The following SV2C variants were observed in gnomAD, a reference collection of about 807,000 sequenced individuals.
SV2C encodes the protein synaptic vesicle glycoprotein 2C.
Under a neutral mutation model 79.7 loss-of-function variants are expected in SV2C, and 49 were observed. That is an observed-to-expected ratio of 0.61 (90% CI 0.49 to 0.78). The LOEUF is 0.78. SV2C is among the 30% of genes least tolerant of loss of function. SV2C has a pLI of 0.00. For missense variants in SV2C, 833 were observed against 912.9 expected (o/e 0.91, Z 1.13); for synonymous variants, 334 against 333.2 (o/e 1.00, Z -0.03).
chr5:76,277,740 C>T (rs535434302), intron 4 of SV2C, among the ~76,000 whole-genome samples: 15 of 148,062 alleles, frequency 1.0e-4, no homozygotes, highest in African/African-American at 3.3e-4. Flanking sequence ...CCTGGGTGAC[C>T]TAGGAGACCT....
chr5:75,861,926 T>C, the SV2C span, among the ~76,000 whole-genome samples: 5 of 152,182 alleles, frequency 3.3e-5, no homozygotes, highest in Non-Finnish European at 5.9e-5. Flanking sequence ...TCATGCAATA[T>C]ACCTATGTAA....
intron 4 of SV2C, among the ~76,000 whole-genome samples, chr5:76,214,620 A>G (rs981571261): frequency 1.3e-5 from 2 of 152,294 alleles, no homozygotes; most frequent in Non-Finnish European, 2.9e-5. Flanking sequence ...TTTGAGTAGC[A>G]TTGACATTTT....
At chr5:75,992,179 C>G in the SV2C span, among the ~76,000 whole-genome samples, 1 of 151,882 alleles carries the variant, frequency 6.6e-6, no homozygotes, top group Non-Finnish European at 1.5e-5. Context: ...TTTGGGCAAG[C>G]TTTTAATTCG....
chr5:76,094,234 A>T (rs58302791), intron 1 of SV2C, among the ~76,000 whole-genome samples: 1 of 152,194 alleles, frequency 6.6e-6, no homozygotes, highest in Non-Finnish European at 1.5e-5. Context: ...TTATAAATAT[A>T]TAGCTGGATC....
the SV2C span, among the ~76,000 whole-genome samples, chr5:75,953,738 A>T: frequency 5.9e-5 from 9 of 152,072 alleles, no homozygotes; most frequent in East Asian, 1.6e-3. Context: ...GTTGCGTTTT[A>T]TACCATTTCT....
the SV2C span, among the ~76,000 whole-genome samples, chr5:76,017,193 A>C: frequency 6.6e-6 from 1 of 152,156 alleles, no homozygotes; most frequent in Non-Finnish European, 1.5e-5. Context: ...TCTACAGAAT[A>C]TGTACTCTGA....
At chr5:75,995,776 C>T in the SV2C span, among the ~76,000 whole-genome samples, 1 of 152,044 alleles carries the variant, frequency 6.6e-6, no homozygotes, top group Non-Finnish European at 1.5e-5. Flanking sequence ...ACATTAGAAG[C>T]TCATTCAGGA....
chr5:75,900,767 G>A, the SV2C span, among the ~76,000 whole-genome samples: 1 of 152,078 alleles, frequency 6.6e-6, no homozygotes, highest in Non-Finnish European at 1.5e-5. Flanking sequence ...CATATTTCTT[G>A]GAGGCTTTGT....
At chr5:76,230,553 G>A (rs917233926) in intron 4 of SV2C, among the ~76,000 whole-genome samples, 1 of 152,210 alleles carries the variant, frequency 6.6e-6, no homozygotes, top group Non-Finnish European at 1.5e-5. Context: ...CACTTTGGGA[G>A]GCCAAGGCGG....
chr5:76,037,973 G>A, the SV2C span, among the ~76,000 whole-genome samples: 2 of 152,216 alleles, frequency 1.3e-5, no homozygotes, highest in African/African-American at 4.8e-5. Context: ...CGTCGGAAAA[G>A]CGCAGTATTA....
the SV2C span, among the ~76,000 whole-genome samples, chr5:75,878,312 C>G: frequency 5.3e-5 from 8 of 152,144 alleles, no homozygotes; most frequent in Admixed American, 3.3e-4. Context: ...AGTTCTAGTC[C>G]TATATCCATT....
chr5:76,124,155 A>G (rs1748624611), intron 1 of SV2C, among the ~76,000 whole-genome samples: 1 of 152,182 alleles, frequency 6.6e-6, no homozygotes, highest in Non-Finnish European at 1.5e-5. Context: ...ATGTACAGTC[A>G]GTGCTATTGA....
chr5:76,149,696 C>T (rs62363489), intron 2 of SV2C, among the ~76,000 whole-genome samples: 62,848 of 151,684 alleles, frequency 0.41, 13,523 homozygotes, highest in Middle Eastern at 0.51. Context: ...AAATGTCTTA[C>T]CCGCAGCTGA....
downstream of SV2C, among the ~76,000 whole-genome samples, chr5:76,334,182 T>G (rs1022337356): frequency 6.6e-6 from 1 of 152,184 alleles, no homozygotes; most frequent in African/African-American, 2.4e-5. Flanking sequence ...TGGGGGAGTT[T>G]GTGGCAAAGC....
chr5:76,043,988 GC>G, the SV2C span, among the ~76,000 whole-genome samples: 1 of 152,002 alleles, frequency 6.6e-6, no homozygotes. Context: ...ATGTTTGTTT[GC>G]TGCACCTATC....
chr5:76,127,114 T>A (rs934606140), intron 1 of SV2C, among the ~76,000 whole-genome samples: 2 of 152,150 alleles, frequency 1.3e-5, no homozygotes, highest in African/African-American at 2.4e-5. Context: ...TCTAGAACAT[T>A]TGGGGGAGGC....
the SV2C span, among the ~76,000 whole-genome samples, chr5:76,063,259 T>C: frequency 6.6e-6 from 1 of 152,250 alleles, no homozygotes; most frequent in Admixed American, 6.5e-5. Flanking sequence ...TTTCCTACAT[T>C]TTGTGTCCCA....
the SV2C span, among the ~76,000 whole-genome samples, chr5:76,017,563 G>A: frequency 6.6e-6 from 1 of 152,156 alleles, no homozygotes; most frequent in Non-Finnish European, 1.5e-5. Context: ...ACAGGTGTGA[G>A]CCACTGAGCC....
intron 4 of SV2C, among the ~76,000 whole-genome samples, chr5:76,257,377 T>TG (rs962237907): frequency 6.6e-6 from 1 of 150,464 alleles, no homozygotes; most frequent in Non-Finnish European, 1.5e-5. Context: ...TGTTGGGGTG[T>TG]GGGGGGTGCG....
Sources: allele counts gnomAD v4.1 joint callset (sites outside exome capture counted in the v4.1 genomes callset), GRCh38; gene constraint gnomAD v4.1.1; transcripts MANE v1.5; gene names NCBI Gene and HGNC (gene_info 2026-07-23, HGNC 2026-07-21).